IGF2BP2: variants seen among roughly 807,000 people sequenced by gnomAD.
The protein encoded by IGF2BP2 is insulin like growth factor 2 mRNA binding protein 2.
In IGF2BP2, 17 loss-of-function variants were observed where a neutral mutation model predicts 75.8. The observed-to-expected ratio is 0.22, with a 90% CI of 0.15 to 0.34. The LOEUF (loss-of-function observed/expected upper bound fraction) is 0.34. IGF2BP2 is among the 10% of genes least tolerant of loss of function. IGF2BP2 has a pLI of 1.00. For missense variants in IGF2BP2, 516 were observed against 772.4 expected (o/e 0.67, Z 3.93); for synonymous variants, 288 against 295.6 (o/e 0.97, Z 0.26).
chr3:185,661,413 G>A (rs960952614), intron 10 of IGF2BP2, among the ~76,000 whole-genome samples: 1 of 152,014 alleles, frequency 6.6e-6, no homozygotes, highest in African/African-American at 2.4e-5. Flanking sequence ...GAGGCAGGCG[G>A]ATTATTTGAG....
chr3:185,824,163 AGGGCTG>A (rs898760783), intron 1 of IGF2BP2, among the ~76,000 whole-genome samples: 5 of 137,392 alleles, frequency 3.6e-5, no homozygotes, highest in Admixed American at 7.3e-5. Flanking sequence ...CCGTCGTGCG[AGGGCTG>A]GGGCTGGGGG....
At chr3:185,794,173 C>T (rs1226810167) in intron 2 of IGF2BP2, among the ~76,000 whole-genome samples, 2 of 151,454 alleles carry the variant, frequency 1.3e-5, no homozygotes, top group Non-Finnish European at 2.9e-5. Flanking sequence ...ACTACATTGC[C>T]AAGGCTGGTC....
chr3:185,736,888 G>C (rs1728928205), intron 2 of IGF2BP2, among the ~76,000 whole-genome samples: 1 of 152,210 alleles, frequency 6.6e-6, no homozygotes, highest in Non-Finnish European at 1.5e-5. Context: ...ATCTATGCTA[G>C]GAAGGGACAT....
At chr3:185,668,508 G>GAGAGAGAT (rs779987582) in intron 10 of IGF2BP2, among the ~76,000 whole-genome samples, 10 of 125,786 alleles carry the variant, frequency 8.0e-5, no homozygotes, top group Non-Finnish European at 1.6e-4. Context: ...GAGAGAGAGA[G>GAGAGAGAT]ATATATATAT....
At chr3:185,687,397 A>G (rs1721294383) in intron 6 of IGF2BP2, among the ~76,000 whole-genome samples, 1 of 152,234 alleles carries the variant, frequency 6.6e-6, no homozygotes, top group Non-Finnish European at 1.5e-5. Context: ...TTGCAGCTTC[A>G]TTTAGAAGGG....
At chr3:185,649,815 C>G (rs904202045) in intron 13 of IGF2BP2, among the ~76,000 whole-genome samples, 1 of 152,200 alleles carries the variant, frequency 6.6e-6, no homozygotes, top group Non-Finnish European at 1.5e-5. Flanking sequence ...TGTGTCAGGG[C>G]TAAGGGGATG....
At position 185,646,942 on chromosome 3, in the gene IGF2BP2, T is replaced by C. The variant is rs1232257293; in HGVS notation, c.1707+83A>G. 6.8e-6 allele frequency: 7 copies of C among 1,028,082 alleles called. No individual in the cohort carries two copies. The Admixed American group carries it at 8.7e-5, about 13-fold the overall frequency. The allele number at this position is 1,028,082 out of a possible 1,614,324, so 63.7% of individuals were successfully genotyped here. On this transcript the variant is annotated intron_variant, in intron 15 of 15. Coordinates refer to ENST00000382199, the MANE Select transcript of IGF2BP2 (RefSeq NM_006548.6). ...GGCGTGGATTGATGCTCAGGGCCTGTGGCCACCTGACAGGCCACCAGCAGC... is the reference window on the plus strand; with the variant it reads ...GGCGTGGATTGATGCTCAGGGCCTGCGGCCACCTGACAGGCCACCAGCAGC...
At chr3:185,661,657 A>G (rs1278044390) in intron 10 of IGF2BP2, among the ~76,000 whole-genome samples, 1 of 149,590 alleles carries the variant, frequency 6.7e-6, no homozygotes, top group East Asian at 2.0e-4. Flanking sequence ...AAAAAAAAAA[A>G]GGCATCTGAG....
At chr3:185,822,601 TCA>T (rs2150072980) in intron 2 of IGF2BP2, among the ~76,000 whole-genome samples, 1 of 152,312 alleles carries the variant, frequency 6.6e-6, no homozygotes, top group Non-Finnish European at 1.5e-5. Flanking sequence ...CTCAGTAGTC[TCA>T]GTGACTGAAA....
At chr3:185,762,799 T>C (rs892991362) in intron 2 of IGF2BP2, among the ~76,000 whole-genome samples, 9 of 152,116 alleles carry the variant, frequency 5.9e-5, no homozygotes, top group Admixed American at 2.6e-4. Flanking sequence ...TAATAGCAAA[T>C]GGATGAATTT....
Position 185,715,273 on chromosome 3 carries a change from A to G in IGF2BP2, c.240-16926T>C, listed in dbSNP as rs572392357. On this transcript the variant is annotated intron_variant, in intron 2 of 15. Transcript: ENST00000382199. Reference sequence around the variant, plus strand: ...TCAAGTCCTCTGATTTGAGAGGAGCAGAGAATGCTTCCAAGGAAAGGCAAG... The same window carrying G: ...TCAAGTCCTCTGATTTGAGAGGAGCGGAGAATGCTTCCAAGGAAAGGCAAG... Among the ~76,000 whole-genome samples the G allele has an allele frequency of 2.6e-5, 4 of 152,356 alleles. No individual in the cohort carries two copies. In the South Asian group the frequency reaches 8.3e-4, roughly 32 times the overall value.
At chr3:185,705,505 ATGCTTCC>A (rs1381061655) in intron 2 of IGF2BP2, among the ~76,000 whole-genome samples, 3 of 151,982 alleles carry the variant, frequency 2.0e-5, no homozygotes, top group Non-Finnish European at 4.4e-5. Context: ...CTCATAACTC[ATGCTTCC>A]TGGGCAATTC....
At chr3:185,754,796 T>C (rs894792569) in intron 2 of IGF2BP2, among the ~76,000 whole-genome samples, 2 of 152,172 alleles carry the variant, frequency 1.3e-5, no homozygotes, top group African/African-American at 4.8e-5. Flanking sequence ...AAGTTTGAAT[T>C]TAAGAGTGAT....
intron 2 of IGF2BP2, among the ~76,000 whole-genome samples, chr3:185,744,992 G>C (rs187198828): frequency 6.6e-6 from 1 of 152,270 alleles, no homozygotes; most frequent in East Asian, 1.9e-4. Flanking sequence ...GAAAGGACCA[G>C]AGGGCCTTTA....
intron 2 of IGF2BP2, among the ~76,000 whole-genome samples, chr3:185,812,521 G>A (rs1479841228): frequency 1.3e-5 from 2 of 152,190 alleles, no homozygotes; most frequent in African/African-American, 4.8e-5. Flanking sequence ...GAAAGCAGAT[G>A]TAGGAGTAAC....
chr3:185,647,116 G>C lies in IGF2BP2; in HGVS notation c.1616C>G (p.Thr539Ser), dbSNP rs758708150. 2 of 1,613,978 alleles carry C rather than the reference G, an allele frequency of 1.2e-6. No homozygotes were observed. Among genetic ancestry groups the C allele is most frequent in the Admixed American group, 3.3e-5 (2 of 60,014 alleles). Residue 539 changes from threonine (T) to serine (S), a missense_variant, in exon 15 of 16, where the codon ACC becomes AGC. Physicochemically the swap from Thr to Ser is moderately conservative, Grantham distance 58. Around this residue, in one of 3 missense-constraint regions of IGF2BP2, gnomAD observed 129 missense variants for 230.5 expected, o/e 0.56. Coordinates refer to ENST00000382199, the MANE Select transcript of IGF2BP2 (RefSeq NM_006548.6). This position sits in a 1 kb window ranked among gnomAD's most constrained non-coding sequence, Gnocchi z 4.9. ...ACGAGGCACGATGACTTCTGCACTG[G>C]TTAAGTTCTGCAGTTCGTTCACCTG... Reference protein sequence around the residue: ...GKTVNELQNLTSAEVIVPRDQ... With the variant: ...GKTVNELQNLSSAEVIVPRDQ...
intron 2 of IGF2BP2, among the ~76,000 whole-genome samples, chr3:185,767,004 T>C (rs1185654396): frequency 6.6e-6 from 1 of 152,176 alleles, no homozygotes; most frequent in African/African-American, 2.4e-5. Flanking sequence ...TAGTGTAAAG[T>C]CCCTCCTTCC....
chr3:185,756,971 A>C (rs1282991805), intron 2 of IGF2BP2, among the ~76,000 whole-genome samples: 1 of 152,144 alleles, frequency 6.6e-6, no homozygotes, highest in Non-Finnish European at 1.5e-5. Flanking sequence ...CCTGTCTCTA[A>C]ATAAATAAAT....
chr3:185,753,438 A>C (rs1299841986), intron 2 of IGF2BP2, among the ~76,000 whole-genome samples: 1 of 152,170 alleles, frequency 6.6e-6, no homozygotes, highest in Admixed American at 6.5e-5. Flanking sequence ...ATACAGGGAA[A>C]AAATCAACTC....
Sources: gnomAD v4.1 joint callset for allele counts (sites outside exome capture counted in the v4.1 genomes callset) on GRCh38, gnomAD v4.1.1 for gene constraint, gnomAD v4.1.1 regional missense constraint, Gnocchi (gnomAD v3.1) non-coding constraint, MANE v1.5 for transcripts, NCBI Gene and HGNC (gene_info 2026-07-23, HGNC 2026-07-21) for gene names.